Variants in ARID1A observed in about 807,000 individuals in gnomAD.
ARID1A encodes the protein AT-rich interaction domain 1A.
A neutral mutation model predicts 212.6 loss-of-function variants in ARID1A; 20 were observed. That is an observed-to-expected ratio of 0.09 (90% CI 0.07 to 0.14). The LOEUF (loss-of-function observed/expected upper bound fraction) is 0.14. Ranked by LOEUF, ARID1A falls within the 10% of genes least tolerant of loss-of-function variation. The pLI is 1.00. For synonymous variants in ARID1A, 1,376 were observed against 1,222.1 expected (o/e 1.13, Z -2.63); for missense variants, 2,587 against 3,059.0 (o/e 0.85, Z 3.64).
intron 5 of ARID1A, 91 bp downstream of exon 5, chr1:26,761,187 A>T (rs1191357818): frequency 6.5e-7 from 1 of 1,538,944 alleles, no homozygotes; most frequent in Admixed American, 1.9e-5. Context: ...CAGAGAAAGC[A>T]TCTCTGGCTC....
In ARID1A at chr1:26,697,134, C is replaced by G. The variant is rs761657755; in HGVS notation, c.731C>G (p.Ala244Gly). Residue 244 changes from alanine (A) to glycine (G), a missense_variant, in exon 1 of 20, where the codon GCG becomes GGG. By Grantham distance (60) the Ala-to-Gly change is moderately conservative. Transcript: ENST00000324856. ...GGTGGCACTCCGGGCTCCGGCGCGG[C>G]GGCGGCTGCCGGCTCCAAGCCGCCT... ...PRGGTPGSGA[A>G]AAAGSKPPPS... 7.0e-7 allele frequency: 1 copy of G among 1,435,548 alleles called. No individual in the cohort carries two copies. Among genetic ancestry groups the G allele is most frequent in the African/African-American group, 1.5e-5 (1 of 66,696 alleles). 88.9% of individuals were successfully genotyped at this position (1,435,548 alleles called of 1,614,324 possible).
At chr1:26,710,125 C>T (rs1480638345) in intron 1 of ARID1A, among the ~76,000 whole-genome samples, 1 of 146,822 alleles carries the variant, frequency 6.8e-6, no homozygotes, top group Non-Finnish European at 1.5e-5. Context: ...AGCCACCGCA[C>T]CCGGCCTATC....
intron 4 of ARID1A, among the ~76,000 whole-genome samples, chr1:26,757,632 T>G (rs1159181302): frequency 6.6e-6 from 1 of 152,186 alleles, no homozygotes; most frequent in Non-Finnish European, 1.5e-5. Flanking sequence ...CATGAGAATG[T>G]TCATGTTTTA....
chr1:26,731,933 C>CT (rs1305338378), intron 3 of ARID1A, among the ~76,000 whole-genome samples: 1 of 152,064 alleles, frequency 6.6e-6, no homozygotes, highest in Non-Finnish European at 1.5e-5. Flanking sequence ...ACTTCAGCAT[C>CT]TAAGTGAGTT....
intron 1 of ARID1A, among the ~76,000 whole-genome samples, chr1:26,715,362 A>G (rs983992787): frequency 1.1e-4 from 16 of 152,214 alleles, no homozygotes; most frequent in African/African-American, 2.9e-4. Context: ...AGTGTACCAT[A>G]TCACTTAATG....
chr1:26,701,425 G>T (rs57217461), intron 1 of ARID1A, among the ~76,000 whole-genome samples: 8,470 of 152,102 alleles, frequency 0.056, 313 homozygotes, highest in Non-Finnish European at 0.08. Flanking sequence ...GCACACTTAC[G>T]TTGTTATTAC....
chr1:26,710,494 T>TACATACACACAC (rs113290668), intron 1 of ARID1A, among the ~76,000 whole-genome samples: 55 of 131,426 alleles, frequency 4.2e-4, no homozygotes, highest in Admixed American at 1.8e-3. Flanking sequence ...AAATAATACA[T>TACATACACACAC]ACACACACAC....
intron 1 of ARID1A, among the ~76,000 whole-genome samples, chr1:26,709,087 A>C (rs2080423898): frequency 6.6e-6 from 1 of 152,194 alleles, no homozygotes; most frequent in Non-Finnish European, 1.5e-5. Flanking sequence ...TCTAAAACCT[A>C]GGTTTAAAGT....
At chr1:26,710,391 G>A (rs1355722132) in intron 1 of ARID1A, among the ~76,000 whole-genome samples, 20 of 134,894 alleles carry the variant, frequency 1.5e-4, no homozygotes, top group Non-Finnish European at 2.1e-4. Flanking sequence ...CCGAGATCAC[G>A]CTTGAACCTG....
chr1:26,732,844 T>TG, intron 4 of ARID1A, 52 bp downstream of exon 4: 1 of 1,439,642 alleles, frequency 6.9e-7, no homozygotes, highest in Non-Finnish European at 9.7e-7. Context: ...AGGAAACCAA[T>TG]GCAAACTAGT....
At position 26,748,082 on chromosome 1, in the gene ARID1A, G is replaced by A. The variant is rs531905798; in HGVS notation, c.1921-12774G>A. Among the ~76,000 whole-genome samples, 49 of 152,280 alleles carry A rather than the reference G, an allele frequency of 3.2e-4. No individual in the cohort carries two copies. The South Asian group carries it at 4.3e-3, about 14-fold the overall frequency. ...TATTTGGATTTTATATAGACCAGTA[G>A]GCTAAGGTAGGGAAGACCACTGACA... On this transcript the variant is annotated intron_variant, in intron 4 of 19. Transcript: ENST00000324856.
At chr1:26,775,771 A>G (rs760035653) in intron 19 of ARID1A, 64 bp downstream of exon 19, 193 of 1,602,826 alleles carry the variant, frequency 1.2e-4, no homozygotes, top group South Asian at 5.6e-4. Flanking sequence ...GACAATGGGA[A>G]TGTCTCATCT....
intron 1 of ARID1A, among the ~76,000 whole-genome samples, chr1:26,697,812 G>A (rs1472598578): frequency 6.6e-6 from 1 of 151,146 alleles, no homozygotes; most frequent in African/African-American, 2.4e-5. Flanking sequence ...CTTGATGGGG[G>A]TGCGGGGCAG....
chr1:26,743,323 A>G (rs931322767), intron 4 of ARID1A, among the ~76,000 whole-genome samples: 6 of 152,096 alleles, frequency 3.9e-5, no homozygotes, highest in Non-Finnish European at 7.4e-5. Context: ...TCTCTCTGAG[A>G]CTTCTTCCCC....
intron 4 of ARID1A, among the ~76,000 whole-genome samples, chr1:26,752,415 C>A (rs1435865063): frequency 1.3e-5 from 2 of 152,138 alleles, no homozygotes; most frequent in African/African-American, 4.8e-5. Context: ...ATAGCAAAGA[C>A]TAAGGAGAAA....
At chr1:26,754,330 A>C (rs1298127626) in intron 4 of ARID1A, among the ~76,000 whole-genome samples, 1 of 152,176 alleles carries the variant, frequency 6.6e-6, no homozygotes, top group Admixed American at 6.6e-5. Context: ...CATCTTTTGG[A>C]GACTTCTGCC....
chr1:26,713,920 T>TC (rs1183525294), intron 1 of ARID1A, among the ~76,000 whole-genome samples: 2 of 152,214 alleles, frequency 1.3e-5, no homozygotes, highest in Admixed American at 6.5e-5. Context: ...TCTTTAAAAC[T>TC]CCAACATAAA....
chr1:26,757,422 A>G (rs2080950571), intron 4 of ARID1A, among the ~76,000 whole-genome samples: 1 of 150,844 alleles, frequency 6.6e-6, no homozygotes, highest in Non-Finnish European at 1.5e-5. Context: ...GTGAGCCGCG[A>G]TAGCGCCACT....
intron 1 of ARID1A, among the ~76,000 whole-genome samples, chr1:26,700,331 A>C (rs1242305242): frequency 2.0e-5 from 3 of 152,232 alleles, no homozygotes; most frequent in Non-Finnish European, 4.4e-5. Context: ...AGACTTAATT[A>C]ACACAGCTAA....
Sources: gnomAD v4.1 joint callset for allele counts (sites outside exome capture counted in the v4.1 genomes callset) on GRCh38, gnomAD v4.1.1 for gene constraint, MANE v1.5 for transcripts, NCBI Gene and HGNC (gene_info 2026-07-23, HGNC 2026-07-21) for gene names.